The following GLRA2 variants were observed in gnomAD, a reference collection of about 807,000 sequenced individuals.
The protein encoded by GLRA2 is glycine receptor alpha 2.
A neutral mutation model predicts 31.6 loss-of-function variants in GLRA2; 11 were observed. That is an observed-to-expected ratio of 0.35 (90% CI 0.22 to 0.58). The LOEUF (loss-of-function observed/expected upper bound fraction) is 0.58. GLRA2 is among the 20% of genes least tolerant of loss of function. GLRA2 has a pLI of 0.84. For synonymous variants in GLRA2, 132 were observed against 134.0 expected, an observed-to-expected ratio of 0.99 and a Z score of 0.10; for missense variants, 212 against 351.8, an observed-to-expected ratio of 0.60 and a Z score of 3.18.
At chrX:14,509,324 C>T in the GLRA2 span, among the ~76,000 whole-genome samples, 1 of 112,697 alleles carries the variant, frequency 8.9e-6, no homozygotes, top group Non-Finnish European at 1.9e-5. Flanking sequence ...CTTGAGCTTC[C>T]TTCACTTGAA....
chrX:14,658,727 T>C (rs2090963793), intron 7 of GLRA2, among the ~76,000 whole-genome samples: 1 of 112,080 alleles, frequency 8.9e-6, no homozygotes, highest in Non-Finnish European at 1.9e-5. Flanking sequence ...AGATGAAAGC[T>C]GAATCAACCA....
the GLRA2 span, among the ~76,000 whole-genome samples, chrX:14,474,210 C>T: frequency 5.4e-5 from 6 of 111,620 alleles, no homozygotes; most frequent in Non-Finnish European, 7.5e-5. Context: ...TCCCAACTCA[C>T]CGGGCTCTTC....
chrX:14,550,232 C>G (rs895297189), intron 2 of GLRA2, among the ~76,000 whole-genome samples: 4 of 104,201 alleles, frequency 3.8e-5, no homozygotes, highest in African/African-American at 1.4e-4. Flanking sequence ...GGATTGAATA[C>G]TAGATTACAG....
chrX:14,677,494 C>T (rs919032047), intron 7 of GLRA2, among the ~76,000 whole-genome samples: 6 of 111,871 alleles, frequency 5.4e-5, no homozygotes, highest in African/African-American at 1.9e-4. Flanking sequence ...GGCAAGACGA[C>T]CGTGGGCTAG....
At chrX:14,562,928 G>C (rs2089753051) in intron 2 of GLRA2, among the ~76,000 whole-genome samples, 1 of 111,672 alleles carries the variant, frequency 9.0e-6, no homozygotes, top group African/African-American at 3.3e-5. Flanking sequence ...CCTAACTCAG[G>C]ATGGAAAGGC....
chrX:14,470,529 A>G, the GLRA2 span, among the ~76,000 whole-genome samples: 1 of 111,654 alleles, frequency 9.0e-6, no homozygotes, highest in Non-Finnish European at 1.9e-5. Context: ...GAAAACCTTC[A>G]TTTTATAGAT....
chrX:14,654,462 T>C (rs186293849), intron 7 of GLRA2, among the ~76,000 whole-genome samples: 276 of 112,371 alleles, frequency 2.5e-3, no homozygotes, highest in Non-Finnish European at 2.3e-3. Context: ...CTATAACTTT[T>C]ATATGCACCA....
chrX:14,501,541 C>T, the GLRA2 span, among the ~76,000 whole-genome samples: 1 of 111,499 alleles, frequency 9.0e-6, no homozygotes, highest in Admixed American at 9.5e-5. Flanking sequence ...CACATTTATG[C>T]TCCACTTGGC....
chrX:14,609,896 T>C (rs1473949512), intron 7 of GLRA2, among the ~76,000 whole-genome samples: 1 of 111,503 alleles, frequency 9.0e-6, no homozygotes, highest in East Asian at 2.8e-4. Flanking sequence ...AGACAGTTTA[T>C]AGCACCTCAA....
At chrX:14,449,537 G>C in the GLRA2 span, among the ~76,000 whole-genome samples, 1 of 112,326 alleles carries the variant, frequency 8.9e-6, no homozygotes, top group African/African-American at 3.2e-5. Flanking sequence ...GCCAGGTGGG[G>C]AGAAAGCAGA....
the GLRA2 span, among the ~76,000 whole-genome samples, chrX:14,464,714 G>A: frequency 7.2e-5 from 8 of 111,013 alleles, no homozygotes; most frequent in South Asian, 7.7e-4. Context: ...CCACCACCAC[G>A]CCCAGCTAAT....
intron 4 of GLRA2, among the ~76,000 whole-genome samples, chrX:14,597,933 G>T (rs1227778176): frequency 1.8e-5 from 2 of 111,663 alleles, no homozygotes; most frequent in Admixed American, 1.9e-4. Flanking sequence ...AAAATAATAA[G>T]AATGCTTGAC....
intron 8 of GLRA2, among the ~76,000 whole-genome samples, chrX:14,724,626 C>CAAAAAAAAAAAAAAA (rs758722703): frequency 4.4e-4 from 22 of 49,573 alleles, no homozygotes; most frequent in East Asian, 1.9e-3. Context: ...AACTCTGTCT[C>CAAAAAAAAAAAAAAA]AAAAAAAAAA....
the GLRA2 span, among the ~76,000 whole-genome samples, chrX:14,471,651 A>G: frequency 1.8e-5 from 2 of 112,229 alleles, no homozygotes; most frequent in African/African-American, 6.5e-5. Flanking sequence ...GGAAAAACTG[A>G]TACATATAGA....
chrX:14,591,419 G>T (rs1016914822), intron 4 of GLRA2, among the ~76,000 whole-genome samples: 1 of 111,530 alleles, frequency 9.0e-6, no homozygotes, highest in African/African-American at 3.3e-5. Context: ...CAAACCACTG[G>T]TGTGAGCCCA....
chrX:14,668,628 G>A (rs1338855646), intron 7 of GLRA2, among the ~76,000 whole-genome samples: 2 of 112,266 alleles, frequency 1.8e-5, no homozygotes, highest in Non-Finnish European at 3.8e-5. Flanking sequence ...TGAAAGGCAC[G>A]TCTCACATGG....
In GLRA2 at chrX:14,730,621, T is replaced by C. The variant is rs1335133701; in HGVS notation, c.*136T>C. ...GGGAGGGTCATGGGGGTGGGTTTCC[T>C]GGCACCTACATGAAAAAAAAGACAA... On this transcript the variant is annotated 3_prime_UTR_variant, in exon 9 of 9. Transcript: ENST00000218075. 3.2e-6 allele frequency: 1 copy of C among 316,607 alleles called. No homozygotes were observed. Among genetic ancestry groups the C allele is most frequent in the Non-Finnish European group, 5.7e-6 (1 of 176,788 alleles). The allele number at this position is 316,607 out of a possible 1,213,427, so 26.1% of individuals were successfully genotyped here. A position where few individuals can be genotyped will look rare whatever the true frequency, so the allele number is the denominator to read the frequency against.
At chrX:14,621,917 G>T (rs746023614) in intron 7 of GLRA2, among the ~76,000 whole-genome samples, 2 of 112,055 alleles carry the variant, frequency 1.8e-5, no homozygotes, top group South Asian at 7.4e-4. Flanking sequence ...TCTAGTTCTA[G>T]ATCCTTGAGG....
At chrX:14,497,460 G>A in the GLRA2 span, among the ~76,000 whole-genome samples, 3 of 111,663 alleles carry the variant, frequency 2.7e-5, no homozygotes, top group Middle Eastern at 0.014. Context: ...GGATCCATGT[G>A]GGCTTGGTTA....
Sources: gnomAD v4.1 joint callset for allele counts (sites outside exome capture counted in the v4.1 genomes callset) on GRCh38, gnomAD v4.1.1 for gene constraint, MANE v1.5 for transcripts, NCBI Gene and HGNC (gene_info 2026-07-23, HGNC 2026-07-21) for gene names.